The following KNTC1 variants were observed in gnomAD, a reference collection of about 807,000 sequenced individuals.
KNTC1 encodes kinetochore-associated protein 1.
A neutral mutation model predicts 314.4 loss-of-function variants in KNTC1; 253 were observed. That is an observed-to-expected ratio of 0.80 (90% CI 0.73 to 0.89). The LOEUF (loss-of-function observed/expected upper bound fraction) is 0.89. Ranked by LOEUF, KNTC1 falls within the 40% of genes least tolerant of loss-of-function variation. The pLI is 0.00. For missense variants in KNTC1, 2,475 were observed against 2,572.9 expected (o/e 0.96, Z 0.82); for synonymous variants, 901 against 901.4 (o/e 1.00, Z 0.01).
At chr12:122,602,015 A>G (rs1241853449) in intron 45 of KNTC1, 1 of 152,730 alleles carries the variant, frequency 6.5e-6, no homozygotes, top group Non-Finnish European at 1.5e-5. Context: ...CTACTCAATT[A>G]TGTCTCAGTA....
rs1442098777 is a variant in KNTC1, at chr12:122,562,686, C to G, written c.1591C>G (p.Pro531Ala). ...KLTTFYGAFGPEKFSGSSWIE... is the reference protein window; with the variant it reads ...KLTTFYGAFGAEKFSGSSWIE... ...GACTACTTTTTATGGAGCATTTGGA[C>G]CAGAAAAATTCAGGTGTGTACATTT... The change falls in exon 20 of 64, where the codon CCA (proline) becomes GCA (alanine). Residue 531 changes from proline (P) to alanine (A), a missense_variant. By Grantham distance (27) the Pro-to-Ala change is conservative (BLOSUM62 -1). Coordinates refer to ENST00000333479, the MANE Select transcript of KNTC1 (RefSeq NM_014708.6). 2 of 1,608,268 alleles carry G rather than the reference C, an allele frequency of 1.2e-6. No individual in the cohort carries two copies. The highest frequency in any genetic ancestry group is 2.2e-5 in the South Asian group (2 of 90,772).
At chr12:122,533,445 G>A (rs143567999) in intron 2 of KNTC1, among the ~76,000 whole-genome samples, 330 of 152,220 alleles carry the variant, frequency 2.2e-3, no homozygotes, top group African/African-American at 7.6e-3. Flanking sequence ...TTGTATTCCC[G>A]GCACTTTGGG....
chr12:122,581,790 T>C (rs1868431012), intron 33 of KNTC1, among the ~76,000 whole-genome samples: 1 of 152,182 alleles, frequency 6.6e-6, no homozygotes, highest in South Asian at 2.1e-4. Context: ...CCACCGTGCG[T>C]GGATGCATTA....
intron 33 of KNTC1, among the ~76,000 whole-genome samples, chr12:122,581,742 G>T (rs1218001855): frequency 6.6e-6 from 1 of 151,798 alleles, no homozygotes; most frequent in Admixed American, 6.6e-5. Context: ...CGATCTGCCC[G>T]CCTCAGCCTC....
intron 22 of KNTC1, among the ~76,000 whole-genome samples, chr12:122,570,512 C>CAA (rs572070934): frequency 2.9e-5 from 3 of 102,326 alleles, no homozygotes; most frequent in East Asian, 2.8e-4. Context: ...AACCCTGTCT[C>CAA]AAAAAAAAAA....
At chr12:122,620,422 CCAA>C in intron 59 of KNTC1, 54 bp from the exon 60 acceptor site, 1 of 1,533,404 alleles carries the variant, frequency 6.5e-7, no homozygotes. Flanking sequence ...GCTAGAAAGG[CCAA>C]TATAATCTAG....
Position 122,543,587 on chromosome 12 carries a change from T to C in KNTC1, c.524-13T>C, listed in dbSNP as rs1484925694. The stretch of plus-strand genomic sequence containing the variant: ...AATACTATACATTTAGCCTGCTTTC[T>C]TTTTTAATGCAGCAATTGAGAATGT... On this transcript the variant is annotated splice_polypyrimidine_tract_variant and intron_variant, in intron 6 of 63. Transcript: ENST00000333479. 5 of 1,543,938 alleles carry C rather than the reference T, an allele frequency of 3.2e-6. No homozygotes were observed. Among genetic ancestry groups the C allele is most frequent in the Non-Finnish European group, 4.4e-6 (5 of 1,138,160 alleles).
intron 1 of KNTC1, among the ~76,000 whole-genome samples, chr12:122,528,180 C>T (rs986150815): frequency 3.3e-5 from 5 of 152,154 alleles, no homozygotes; most frequent in Non-Finnish European, 5.9e-5. Flanking sequence ...CGGGCGGTTT[C>T]TCTATTTCAC....
At chr12:122,611,720 A>G (rs1448979596) in intron 53 of KNTC1, 2 of 152,226 alleles carry the variant, frequency 1.3e-5, no homozygotes, top group African/African-American at 4.8e-5. Flanking sequence ...CCCCAAGGAT[A>G]CCAAAATCTG....
intron 3 of KNTC1, 25 bp from the exon 4 acceptor site, chr12:122,538,314 T>C: frequency 1.5e-6 from 2 of 1,309,516 alleles, no homozygotes; most frequent in Non-Finnish European, 2.1e-6. Flanking sequence ...GAAGGAAGCT[T>C]GTAACTTTGA....
At chr12:122,606,113 T>C (rs1332258261) in intron 51 of KNTC1, among the ~76,000 whole-genome samples, 1 of 151,850 alleles carries the variant, frequency 6.6e-6, no homozygotes, top group African/African-American at 2.4e-5. Context: ...TCCTCCCGCC[T>C]CGATTTCCCA....
At chr12:122,625,242 A>G (rs184853853) in intron 63 of KNTC1, among the ~76,000 whole-genome samples, 45 of 152,190 alleles carry the variant, frequency 3.0e-4, no homozygotes, top group African/African-American at 1.1e-3. Context: ...GTCTCTACTA[A>G]AAATACAAAA....
intron 51 of KNTC1, among the ~76,000 whole-genome samples, chr12:122,607,090 G>A (rs971727713): frequency 1.1e-4 from 16 of 152,088 alleles, no homozygotes; most frequent in African/African-American, 3.6e-4. Flanking sequence ...TTGACACAGA[G>A]TCTGGCTCCA....
At chr12:122,594,232 G>A in intron 42 of KNTC1, 44 bp from the exon 43 acceptor site, 1 of 1,069,338 alleles carries the variant, frequency 9.4e-7, no homozygotes, top group Non-Finnish European at 1.4e-6. Flanking sequence ...ATACATTTCA[G>A]TGTAGAGGGT....
chr12:122,547,717 T>G (rs1391049804), intron 11 of KNTC1, among the ~76,000 whole-genome samples, 187 bp downstream of exon 11: 1 of 152,250 alleles, frequency 6.6e-6, no homozygotes, highest in African/African-American at 2.4e-5. Context: ...AGTCATTTTG[T>G]TAGAAACTGT....
chr12:122,576,911 T>C lies in KNTC1; in HGVS notation c.2603T>C (p.Ile868Thr). ...NKEIMRVVRY[I>T]LKQDVPSSLE... is the part of the protein sequence containing the mutation. ...CTTTTGCAGAGAGTGGTTAGATACA[T>C]TCTCAAACAAGATGTCCCATCTTCT... The change falls in exon 30 of 64, where the codon ATT (isoleucine) becomes ACT (threonine). Residue 868 changes from isoleucine to threonine, a missense_variant. Ile to Thr is a moderately conservative substitution (Grantham distance 89). Transcript: ENST00000333479. 1 of 1,588,314 alleles carries C rather than the reference T, an allele frequency of 6.3e-7. No individual in the cohort carries two copies. The highest frequency in any genetic ancestry group is 1.4e-5 in the African/African-American group (1 of 73,394).
At chr12:122,570,500 G>A (rs568756155) in intron 22 of KNTC1, among the ~76,000 whole-genome samples, 10 of 145,850 alleles carry the variant, frequency 6.9e-5, no homozygotes, top group Admixed American at 4.9e-4. Flanking sequence ...GGTGATGAGC[G>A]AAACCCTGTC....
intron 34 of KNTC1, among the ~76,000 whole-genome samples, 165 bp from the exon 35 acceptor site, chr12:122,584,113 G>A (rs571084795): frequency 3.9e-5 from 6 of 152,304 alleles, no homozygotes; most frequent in African/African-American, 1.4e-4. Context: ...GATAGGGCTA[G>A]AGCCTGTCTC....
chr12:122,609,425 A>G lies in KNTC1; in HGVS notation c.5538A>G (p.Leu1846=). The G allele has an allele frequency of 1.3e-6, 2 of 1,574,392 alleles. No homozygotes were observed. Among genetic ancestry groups the G allele is most frequent in the East Asian group, 2.2e-5 (1 of 44,454 alleles). ...TTGAACTTCAAGAAGATGAAGCCCT[A>G]CGAAGGTACTCTTTTCCTTTACTTA... ...ELFELQEDEA[L]RRVQYLLLSR... is the part of the protein sequence containing the mutation. Residue 1846 remains leucine, a synonymous_variant, in exon 52 of 64, where the codon CTA becomes CTG. Coordinates refer to ENST00000333479, the MANE Select transcript of KNTC1 (RefSeq NM_014708.6).
Sources: gnomAD v4.1 joint callset for allele counts (sites outside exome capture counted in the v4.1 genomes callset) on GRCh38, gnomAD v4.1.1 for gene constraint, MANE v1.5 for transcripts, NCBI Gene and HGNC (gene_info 2026-07-23, HGNC 2026-07-21) for gene names.